The following HS6ST2 variants were observed in gnomAD, a reference collection of about 807,000 sequenced individuals.
HS6ST2 encodes the protein heparan sulfate 6-O-sulfotransferase 2, also known as heparan-sulfate 6-O-sulfotransferase 2.
HS6ST2 carries 17 observed loss-of-function variants against 33.0 expected under a neutral mutation model. The observed-to-expected ratio is 0.52, with a 90% CI of 0.35 to 0.77. HS6ST2 has a LOEUF of 0.77. HS6ST2 is among the 30% of genes least tolerant of loss of function. The probability of loss-of-function intolerance (pLI) is 0.01; values close to 1 mark genes in which losing one functional copy is unlikely to be tolerated. For synonymous variants in HS6ST2, 248 were observed against 237.1 expected (o/e 1.05, Z -0.42); for missense variants, 519 against 551.7 (o/e 0.94, Z 0.59).
chrX:132,676,580 A>C (rs1416974143), intron 3 of HS6ST2, among the ~76,000 whole-genome samples: 1 of 112,348 alleles, frequency 8.9e-6, no homozygotes, highest in Non-Finnish European at 1.9e-5. Context: ...TTAGTTTGAA[A>C]CAGTTCTCTC....
intron 2 of HS6ST2, among the ~76,000 whole-genome samples, chrX:132,834,508 C>T (rs2065623249): frequency 8.9e-6 from 1 of 112,151 alleles, no homozygotes; most frequent in Admixed American, 9.5e-5. Flanking sequence ...AGACCCAAGG[C>T]TCAGGAAATT....
intron 2 of HS6ST2, among the ~76,000 whole-genome samples, chrX:132,814,880 C>A: frequency 8.9e-6 from 1 of 112,049 alleles, no homozygotes; most frequent in East Asian, 2.8e-4. Flanking sequence ...CCTGGAATGT[C>A]TTCTTCTCTC....
chrX:132,790,335 T>G (rs779450287), intron 2 of HS6ST2, among the ~76,000 whole-genome samples: 1 of 112,055 alleles, frequency 8.9e-6, no homozygotes, highest in African/African-American at 3.2e-5. Flanking sequence ...TAAACTCTTT[T>G]TAAATTAAGG....
intron 2 of HS6ST2, among the ~76,000 whole-genome samples, chrX:132,937,138 G>A (rs2066832173): frequency 9.0e-6 from 1 of 110,535 alleles, no homozygotes; most frequent in South Asian, 3.8e-4. Flanking sequence ...AAAATAACAA[G>A]GAATAAATTT....
chrX:132,671,723 A>C, intron 3 of HS6ST2, among the ~76,000 whole-genome samples: 1 of 110,733 alleles, frequency 9.0e-6, no homozygotes, highest in Middle Eastern at 4.7e-3. Context: ...CCAAGTACAG[A>C]TATTGGGGAA....
chrX:132,849,762 A>G (rs1223658495), intron 2 of HS6ST2, among the ~76,000 whole-genome samples: 10 of 112,174 alleles, frequency 8.9e-5, no homozygotes. Flanking sequence ...AAAACTGCCT[A>G]TGACAACATC....
intron 2 of HS6ST2, among the ~76,000 whole-genome samples, chrX:132,800,670 A>G (rs183884974): frequency 9.0e-6 from 1 of 110,871 alleles, no homozygotes. Context: ...CCATCATACC[A>G]TGATCTGCAA....
intron 2 of HS6ST2, among the ~76,000 whole-genome samples, chrX:132,769,706 C>T (rs905868703): frequency 4.5e-5 from 5 of 112,273 alleles, no homozygotes; most frequent in African/African-American, 1.6e-4. Flanking sequence ...ACGGTTCTAC[C>T]AAGAAAAAAC....
chrX:132,803,905 C>A (rs2065257803), intron 2 of HS6ST2, among the ~76,000 whole-genome samples: 1 of 111,476 alleles, frequency 9.0e-6, no homozygotes, highest in Non-Finnish European at 1.9e-5. Flanking sequence ...ATAGGAAGGA[C>A]TAAAAGGTTA....
chrX:132,869,284 A>G (rs992093770), intron 2 of HS6ST2, among the ~76,000 whole-genome samples: 1 of 111,867 alleles, frequency 8.9e-6, no homozygotes, highest in African/African-American at 3.2e-5. Context: ...TGAGGCAGTA[A>G]TAGCCTACCA....
intron 2 of HS6ST2, among the ~76,000 whole-genome samples, chrX:132,756,113 G>C (rs1420418627): frequency 8.9e-6 from 1 of 112,091 alleles, no homozygotes; most frequent in African/African-American, 3.2e-5. Flanking sequence ...AAGGTAAGCT[G>C]TCTAACACAG....
intron 4 of HS6ST2, among the ~76,000 whole-genome samples, chrX:132,642,860 A>G (rs1195774726): frequency 1.8e-5 from 2 of 112,543 alleles, no homozygotes; most frequent in African/African-American, 3.2e-5. Context: ...AGTTTCGTGC[A>G]TCAGAGGTTT....
chrX:132,809,369 C>T (rs1252658873), intron 2 of HS6ST2, among the ~76,000 whole-genome samples: 4 of 112,281 alleles, frequency 3.6e-5, no homozygotes, highest in Non-Finnish European at 5.6e-5. Context: ...AAACTATTTA[C>T]TTATCCTGCT....
chrX:132,718,685 A>G (rs1025272317), intron 2 of HS6ST2, among the ~76,000 whole-genome samples: 1 of 110,773 alleles, frequency 9.0e-6, no homozygotes, highest in Non-Finnish European at 1.9e-5. Context: ...CCAGAATTCA[A>G]GTGCTTGGCT....
At chrX:132,693,592 G>C (rs758633246) in intron 3 of HS6ST2, among the ~76,000 whole-genome samples, 16 of 111,521 alleles carry the variant, frequency 1.4e-4, no homozygotes, top group Non-Finnish European at 2.6e-4. Flanking sequence ...GTTGAGCTCA[G>C]TTAAAATTAT....
chrX:132,867,485 C>T (rs1170362680), intron 2 of HS6ST2, among the ~76,000 whole-genome samples: 1 of 111,440 alleles, frequency 9.0e-6, no homozygotes. Context: ...CAGGATGACG[C>T]TGGCCTCATA....
intron 2 of HS6ST2, among the ~76,000 whole-genome samples, chrX:132,829,951 T>C (rs968072168): frequency 8.9e-6 from 1 of 112,036 alleles, no homozygotes; most frequent in Non-Finnish European, 1.9e-5. Context: ...ATTTATGTTG[T>C]GATGAGAGAT....
At chrX:132,908,592 TACA>T (rs1165557545) in intron 2 of HS6ST2, among the ~76,000 whole-genome samples, 1 of 112,296 alleles carries the variant, frequency 8.9e-6, no homozygotes. Flanking sequence ...TGCTTGATGC[TACA>T]ACATGTTGAA....
intron 2 of HS6ST2, among the ~76,000 whole-genome samples, chrX:132,785,150 GTTACAC>G (rs1285615434): frequency 8.9e-6 from 1 of 112,057 alleles, no homozygotes; most frequent in East Asian, 2.8e-4. Context: ...TTCTCACTCA[GTTACAC>G]TTTTCAATTT....
Sources: gnomAD v4.1 joint callset for allele counts (sites outside exome capture counted in the v4.1 genomes callset) on GRCh38, gnomAD v4.1.1 for gene constraint, MANE v1.5 for transcripts, NCBI Gene and HGNC (gene_info 2026-07-23, HGNC 2026-07-21) for gene names.